KIF26B: variants seen among roughly 807,000 people sequenced by gnomAD.
The protein encoded by KIF26B is kinesin-like protein KIF26B.
KIF26B carries 63 observed loss-of-function variants against 151.2 expected under a neutral mutation model. The ratio of observed to expected loss-of-function variants is 0.42; its 90% confidence interval spans 0.34 to 0.51. KIF26B has a LOEUF of 0.51. Among genes scored for constraint, KIF26B ranks in the 20% least tolerant of loss-of-function variants. The pLI, the probability that KIF26B is intolerant of heterozygous loss-of-function variation, is 0.07. For missense variants in KIF26B, 2,813 were observed against 2,913.6 expected, an observed-to-expected ratio of 0.97 and a Z score of 0.79; for synonymous variants, 1,357 against 1,262.1, an observed-to-expected ratio of 1.08 and a Z score of -1.59.
At position 245,346,452 on chromosome 1, in the gene KIF26B, T is replaced by C. The variant is rs138466467; in HGVS notation, c.466-20382T>C. On this transcript the variant is annotated intron_variant, in intron 2 of 14. Coordinates refer to ENST00000407071, the MANE Select transcript of KIF26B (RefSeq NM_018012.4). ...TGGCTTTGCATCTCTGGCCACCAGATCATTGTTGCAGTCATCTATTCATCT... is the reference window on the plus strand; with the variant it reads ...TGGCTTTGCATCTCTGGCCACCAGACCATTGTTGCAGTCATCTATTCATCT... Among the ~76,000 whole-genome samples the C allele has an allele frequency of 3.3e-5, 5 of 152,256 alleles. 1 individual carries two copies. Among genetic ancestry groups the C allele is most frequent in the African/African-American group, 1.2e-4 (5 of 41,554 alleles).
intron 9 of KIF26B, among the ~76,000 whole-genome samples, chr1:245,637,006 G>T (rs1264724250): frequency 6.6e-6 from 1 of 151,980 alleles, no homozygotes; most frequent in Non-Finnish European, 1.5e-5. Context: ...TTGATATACT[G>T]ATTTCTTTTA....
intron 2 of KIF26B, among the ~76,000 whole-genome samples, chr1:245,185,263 C>T (rs111784511): frequency 7.2e-4 from 109 of 151,920 alleles, no homozygotes; most frequent in Non-Finnish European, 1.0e-3. Context: ...CTCAGCCTCC[C>T]GGGTAGCTGG....
At chr1:245,661,304 T>TGATC (rs2044135019) in intron 10 of KIF26B, among the ~76,000 whole-genome samples, 1 of 151,064 alleles carries the variant, frequency 6.6e-6, no homozygotes, top group South Asian at 2.1e-4. Flanking sequence ...AATTATTTTG[T>TGATC]GATCCGTGGG....
At chr1:245,520,114 T>TGAGAGAGAGAGAGA (rs10650644) in intron 4 of KIF26B, among the ~76,000 whole-genome samples, 5,224 of 132,216 alleles carry the variant, frequency 0.04, 135 homozygotes, top group African/African-American at 0.051. Flanking sequence ...CTCAACTAAC[T>TGAGAGAGAGAGAGA]GAGAGAGAGA....
At chr1:245,442,033 G>A (rs1305617312) in intron 4 of KIF26B, among the ~76,000 whole-genome samples, 1 of 152,246 alleles carries the variant, frequency 6.6e-6, no homozygotes, top group Non-Finnish European at 1.5e-5. Flanking sequence ...CTGAGATTTA[G>A]TGGGTAGCCA....
At chr1:245,666,666 G>A (rs903790150) in intron 10 of KIF26B, among the ~76,000 whole-genome samples, 3 of 152,148 alleles carry the variant, frequency 2.0e-5, no homozygotes, top group African/African-American at 7.2e-5. Flanking sequence ...TCCTCGGCAA[G>A]CAGAGATGAC....
intron 3 of KIF26B, among the ~76,000 whole-genome samples, chr1:245,376,229 G>T (rs926260554): frequency 5.3e-5 from 8 of 152,188 alleles, no homozygotes; most frequent in African/African-American, 1.9e-4. Flanking sequence ...ATCTGGTAAA[G>T]ATCTTCATAA....
At chr1:245,436,958 C>T (rs1185394875) in intron 4 of KIF26B, among the ~76,000 whole-genome samples, 1 of 145,170 alleles carries the variant, frequency 6.9e-6, no homozygotes, top group Admixed American at 7.3e-5. Flanking sequence ...ATGACCTCAG[C>T]TCACTGCAAC....
intron 2 of KIF26B, among the ~76,000 whole-genome samples, chr1:245,222,112 T>C (rs1669786111): frequency 1.3e-5 from 2 of 152,124 alleles, no homozygotes; most frequent in African/African-American, 4.8e-5. Context: ...AAATATCACA[T>C]GCCAACTTAG....
At position 245,687,642 on chromosome 1, in the gene KIF26B, C is replaced by A; in HGVS notation, c.4659C>A (p.Leu1553=). 6.4e-7 allele frequency: 1 copy of A among 1,570,176 alleles called. No individual in the cohort carries two copies. Among genetic ancestry groups the A allele is most frequent in the Non-Finnish European group, 8.6e-7 (1 of 1,157,924 alleles). The change falls in exon 12 of 15, where the codon CTC becomes CTA. Residue 1553 remains leucine (L), a synonymous_variant. Coordinates refer to ENST00000407071, the MANE Select transcript of KIF26B (RefSeq NM_018012.4). The surrounding 1 kb of genome is among the most constrained non-coding windows in gnomAD (Gnocchi z 4.9). ...KASRQEEPDS[L]SYYCAAETNG... ...GCCGGCAGGAGGAGCCGGACAGCCTCTCCTATTACTGCGCTGCTGAGACCA... is the reference window on the plus strand; with the variant it reads ...GCCGGCAGGAGGAGCCGGACAGCCTATCCTATTACTGCGCTGCTGAGACCA...
chr1:245,414,124 G>A (rs1206567718), intron 3 of KIF26B, among the ~76,000 whole-genome samples: 5 of 152,218 alleles, frequency 3.3e-5, no homozygotes, highest in East Asian at 3.9e-4. Flanking sequence ...GGCTTCCTCC[G>A]GGAGCTCATC....
intron 4 of KIF26B, among the ~76,000 whole-genome samples, chr1:245,521,616 T>C (rs984784879): frequency 8.5e-5 from 13 of 152,226 alleles, no homozygotes; most frequent in African/African-American, 2.4e-4. Context: ...GCTGACCCTG[T>C]TGGGAAGACA....
chr1:245,553,046 G>T (rs1366580165), intron 5 of KIF26B, among the ~76,000 whole-genome samples: 3 of 152,180 alleles, frequency 2.0e-5, no homozygotes, highest in South Asian at 2.1e-4. Flanking sequence ...TTTCAGAGTG[G>T]ATGGGGTGAC....
At chr1:245,506,296 T>C (rs1660727839) in intron 4 of KIF26B, among the ~76,000 whole-genome samples, 1 of 152,188 alleles carries the variant, frequency 6.6e-6, no homozygotes, top group Admixed American at 6.5e-5. Context: ...TGGAATTTGA[T>C]TCATTTAACT....
At chr1:245,277,883 C>G (rs577644454) in intron 2 of KIF26B, among the ~76,000 whole-genome samples, 1 of 152,234 alleles carries the variant, frequency 6.6e-6, no homozygotes, top group Non-Finnish European at 1.5e-5. Context: ...TGCCCTCATT[C>G]TTATCCCTGA....
At chr1:245,508,986 A>G (rs555738903) in intron 4 of KIF26B, among the ~76,000 whole-genome samples, 1 of 152,216 alleles carries the variant, frequency 6.6e-6, no homozygotes, top group South Asian at 2.1e-4. Context: ...TGTGAAGTGT[A>G]TCATGCATGA....
chr1:245,412,045 G>C (rs1674299896), intron 3 of KIF26B, among the ~76,000 whole-genome samples: 1 of 152,162 alleles, frequency 6.6e-6, no homozygotes, highest in Non-Finnish European at 1.5e-5. Flanking sequence ...AGAATACACA[G>C]AAATGTATTC....
intron 4 of KIF26B, among the ~76,000 whole-genome samples, chr1:245,453,497 A>G (rs10924200): frequency 0.083 from 12,619 of 152,164 alleles, 768 homozygotes; most frequent in East Asian, 0.26. Flanking sequence ...TCACCTTACT[A>G]TAGTCCCAGC....
At chr1:245,343,884 CAG>C (rs1672385923) in intron 2 of KIF26B, among the ~76,000 whole-genome samples, 1 of 152,264 alleles carries the variant, frequency 6.6e-6, no homozygotes, top group African/African-American at 2.4e-5. Flanking sequence ...ATGAAGGTAA[CAG>C]TGTTAAAAAA....
Sources: gnomAD v4.1 joint callset for allele counts (sites outside exome capture counted in the v4.1 genomes callset) on GRCh38, gnomAD v4.1.1 for gene constraint, Gnocchi (gnomAD v3.1) non-coding constraint, MANE v1.5 for transcripts, NCBI Gene and HGNC (gene_info 2026-07-23, HGNC 2026-07-21) for gene names.